ARVCF: variants seen among roughly 807,000 people sequenced by gnomAD.
ARVCF encodes splicing regulator ARVCF.
Under a neutral mutation model 90.9 loss-of-function variants are expected in ARVCF, and 66 were observed. That is an observed-to-expected ratio of 0.73 (90% CI 0.60 to 0.89). The LOEUF is 0.89. Among genes scored for constraint, ARVCF ranks in the 40% least tolerant of loss-of-function variants. The pLI, the probability that ARVCF is intolerant of heterozygous loss-of-function variation, is 0.00. For synonymous variants in ARVCF, 653 were observed against 603.4 expected (o/e 1.08, Z -1.21); for missense variants, 1,469 against 1,382.3 (o/e 1.06, Z -1.00).
At chr22:20,000,860 C>T (rs1461666311) in intron 2 of ARVCF, among the ~76,000 whole-genome samples, 4 of 152,268 alleles carry the variant, frequency 2.6e-5, no homozygotes, top group South Asian at 2.1e-4. Flanking sequence ...GCTGGCGCCT[C>T]GATCTTGGAC....
At chr22:19,973,572 C>G (rs1414931423) in intron 13 of ARVCF, 71 bp downstream of exon 13, 6 of 1,541,198 alleles carry the variant, frequency 3.9e-6, no homozygotes, top group African/African-American at 1.4e-5. Flanking sequence ...ATCCTCCAAG[C>G]CCCTCCGATG....
Position 19,971,352 on chromosome 22 carries a change from G to T in ARVCF, c.2782-17C>A. The T allele has an allele frequency of 6.5e-7, 1 of 1,547,148 alleles. No individual in the cohort carries two copies. Among genetic ancestry groups the T allele is most frequent in the Middle Eastern group, 1.7e-4 (1 of 5,976 alleles). ...GGGGTCGAGCTGCAGCGCACGGGTG[G>T]GCATTAGAGGCACAATAGAGCAGGT... On this transcript the variant is annotated splice_polypyrimidine_tract_variant and intron_variant, in intron 18 of 19. Transcript: ENST00000263207.
chr22:19,972,273 C>A, intron 17 of ARVCF, 85 bp downstream of exon 17: 1 of 1,572,770 alleles, frequency 6.4e-7, no homozygotes, highest in Non-Finnish European at 8.7e-7. Flanking sequence ...CCAGCACCAT[C>A]TACACCCCAT....
At chr22:20,008,549 G>T (rs1023494692) in intron 2 of ARVCF, among the ~76,000 whole-genome samples, 3 of 152,246 alleles carry the variant, frequency 2.0e-5, no homozygotes, top group African/African-American at 7.2e-5. Flanking sequence ...TGCCTGTGAT[G>T]CCCAGGACCC....
At position 20,016,664 on chromosome 22, in the gene ARVCF, G is replaced by A. The variant is rs1414971576; in HGVS notation, c.-148C>T. 2.0e-5 allele frequency: 3 copies of A among 151,130 alleles called. No individual in the cohort carries two copies. Among genetic ancestry groups the A allele is most frequent in the Non-Finnish European group, 4.4e-5 (3 of 67,706 alleles). 9.4% of individuals were successfully genotyped at this position (151,130 alleles called of 1,614,324 possible). ...GCTTCCCCGGGTCCGTTGGCGCGCG[G>A]GGAGCGGCGTTCCCAGGGCGCGGCG... is the stretch of plus-strand genomic sequence containing the variant. On this transcript the variant is annotated 5_prime_UTR_variant, in exon 1 of 20. Transcript: ENST00000263207.
At chr22:19,990,563 T>C in intron 3 of ARVCF, 22 bp downstream of exon 3, 1 of 1,591,164 alleles carries the variant, frequency 6.3e-7, no homozygotes, top group Non-Finnish European at 8.6e-7. Flanking sequence ...TTTTCACCCT[T>C]CCCAAGTCAC....
At chr22:19,989,119 A>C (rs1163615377) in intron 3 of ARVCF, among the ~76,000 whole-genome samples, 1 of 152,060 alleles carries the variant, frequency 6.6e-6, no homozygotes, top group Non-Finnish European at 1.5e-5. Context: ...TATATGGCCC[A>C]GCTGGGCCCA....
intron 3 of ARVCF, among the ~76,000 whole-genome samples, chr22:19,982,867 G>A (rs1164679920): frequency 6.6e-6 from 1 of 152,210 alleles, no homozygotes; most frequent in Non-Finnish European, 1.5e-5. Context: ...TTGAGCCTAT[G>A]GGTGCCCTTG....
At position 19,973,832 on chromosome 22, in the gene ARVCF, C is replaced by A. The variant is rs376956067; in HGVS notation, c.2089-39G>T. 2 of 1,579,344 alleles carry A rather than the reference C, an allele frequency of 1.3e-6. 1 individual carries two copies. Among genetic ancestry groups the A allele is most frequent in the South Asian group, 2.2e-5 (2 of 89,134 alleles). ...GAGAGGGTTGCTCAGACATACATGC[C>A]AGGCACTCTCCCACCTCCAGACGCT... On this transcript the variant is annotated intron_variant, in intron 12 of 19. Transcript: ENST00000263207.
chr22:19,979,986 G>C lies in ARVCF; in HGVS notation c.1153C>G (p.Leu385Val). The change falls in exon 6 of 20, where the codon CTG becomes GTG. Residue 385 changes from leucine to valine, a missense_variant. Coordinates refer to ENST00000263207, the MANE Select transcript of ARVCF (RefSeq NM_001670.3). ...TTGACACCCTCGTTCTCAAAGCACA[G>C]ATGCTGCAGGTAGGCGGCCGCATTG... The part of the protein sequence containing the change: ...KANAAAYLQH[L>V]CFENEGVKRR... 2.5e-6 allele frequency: 4 copies of C among 1,596,272 alleles called. No homozygotes were observed. Among genetic ancestry groups the C allele is most frequent in the Non-Finnish European group, 3.4e-6 (4 of 1,171,990 alleles).
intron 1 of ARVCF, among the ~76,000 whole-genome samples, chr22:20,011,482 T>A (rs1944829781): frequency 6.6e-6 from 1 of 151,984 alleles, no homozygotes; most frequent in Non-Finnish European, 1.5e-5. Context: ...CCCAACGGTG[T>A]GTTTCCCCGT....
At chr22:20,004,854 C>T (rs546260580) in intron 2 of ARVCF, among the ~76,000 whole-genome samples, 1 of 152,262 alleles carries the variant, frequency 6.6e-6, no homozygotes, top group East Asian at 1.9e-4. Context: ...TGAATGAACT[C>T]ACACCCTTAC....
rs116171354 is a variant in ARVCF, at chr22:20,001,035, C to T, written c.-19+9420G>A. ...GCTGCCCCACAGGCACACGCACCAGCAGGCACACTCGTCCACACCCATATG... is the reference window on the plus strand; with the variant it reads ...GCTGCCCCACAGGCACACGCACCAGTAGGCACACTCGTCCACACCCATATG... On this transcript the variant is annotated intron_variant, in intron 2 of 19. Transcript: ENST00000263207. 6.1e-3 allele frequency among the ~76,000 whole-genome samples: 926 copies of T among 152,302 alleles called. 20 individuals carry two copies. Among genetic ancestry groups the T allele is most frequent in the African/African-American group, 0.022 (897 of 41,564 alleles).
chr22:20,013,429 G>T (rs1944908662), intron 1 of ARVCF, among the ~76,000 whole-genome samples: 1 of 152,154 alleles, frequency 6.6e-6, no homozygotes, highest in Admixed American at 6.5e-5. Flanking sequence ...AAGCATGTTG[G>T]GGGTACCGAG....
At chr22:19,995,682 G>A (rs1377363192) in intron 2 of ARVCF, among the ~76,000 whole-genome samples, 1 of 152,182 alleles carries the variant, frequency 6.6e-6, no homozygotes, top group African/African-American at 2.4e-5. Context: ...AGGAATTAGA[G>A]GAATTTCCGA....
At chr22:20,013,076 A>G (rs1015974310) in intron 1 of ARVCF, among the ~76,000 whole-genome samples, 2 of 152,244 alleles carry the variant, frequency 1.3e-5, no homozygotes, top group Non-Finnish European at 2.9e-5. Flanking sequence ...AGCTGAGAAC[A>G]TGCCCTGGCA....
intron 3 of ARVCF, among the ~76,000 whole-genome samples, chr22:19,984,143 C>A (rs1601615495): frequency 6.6e-6 from 1 of 152,144 alleles, no homozygotes; most frequent in East Asian, 1.9e-4. Flanking sequence ...CAGGACTCTG[C>A]CAGTGGGATG....
rs959781525 is a variant in ARVCF, at chr22:19,999,427, G to T, written c.-18-8615C>A. 2.6e-5 allele frequency among the ~76,000 whole-genome samples: 4 copies of T among 152,158 alleles called. No individual in the cohort carries two copies. The East Asian group carries it at 7.7e-4, about 29-fold the overall frequency. On this transcript the variant is annotated intron_variant, in intron 2 of 19. Coordinates refer to ENST00000263207, the MANE Select transcript of ARVCF (RefSeq NM_001670.3). ...CTACTAGGGAGTGGGGCCAAGGGCT[G>T]CCCCCACAGGGCAGTGCCTGGGTCA...
In ARVCF at chr22:19,975,900, C is replaced by T. The variant is rs73880035; in HGVS notation, c.1889-143G>A. 0.047 allele frequency: 37,527 copies of T among 792,502 alleles called. 1,116 individuals carry two copies. Among genetic ancestry groups the T allele is most frequent in the South Asian group, 0.089 (5,432 of 61,202 alleles). 49.1% of individuals were successfully genotyped at this position (792,502 alleles called of 1,614,324 possible). A position where few individuals can be genotyped will look rare whatever the true frequency, so the allele number is the denominator to read the frequency against. ...CTGGGCACCTGTGGGAGTGGAGCAC[C>T]GTTGTCAGAGTTTGGGCAGACAGTT... On this transcript the variant is annotated intron_variant, in intron 10 of 19. Coordinates refer to ENST00000263207, the MANE Select transcript of ARVCF (RefSeq NM_001670.3).
Sources: allele counts gnomAD v4.1 joint callset (sites outside exome capture counted in the v4.1 genomes callset), GRCh38; gene constraint gnomAD v4.1.1; transcripts MANE v1.5; gene names NCBI Gene and HGNC (gene_info 2026-07-23, HGNC 2026-07-21).